The following ING3 variants were observed in gnomAD, a reference collection of about 807,000 sequenced individuals.
The protein encoded by ING3 is inhibitor of growth protein 3.
A neutral mutation model predicts 64.8 loss-of-function variants in ING3; 6 were observed. The ratio of observed to expected loss-of-function variants is 0.09; its 90% CI spans 0.05 to 0.18. The LOEUF (loss-of-function observed/expected upper bound fraction) is 0.18. Ranked by LOEUF, ING3 falls within the 10% of genes least tolerant of loss-of-function variation. The pLI, the probability that ING3 is intolerant of heterozygous loss-of-function variation, is 1.00. For missense variants in ING3, 310 were observed against 489.7 expected, an observed-to-expected ratio of 0.63 and a Z score of 3.46; for synonymous variants, 170 against 173.7, an observed-to-expected ratio of 0.98 and a Z score of 0.17.
At chr7:120,965,554 T>G (rs559560872) in intron 5 of ING3, among the ~76,000 whole-genome samples, 31 of 152,340 alleles carry the variant, frequency 2.0e-4, no homozygotes, top group African/African-American at 7.2e-4. Context: ...TGAACCAAAT[T>G]AATATTATGG....
At chr7:120,971,341 T>C (rs1201449861) in intron 10 of ING3, among the ~76,000 whole-genome samples, 1 of 152,004 alleles carries the variant, frequency 6.6e-6, no homozygotes, top group Non-Finnish European at 1.5e-5. Flanking sequence ...CTGGTGTCTT[T>C]TCTTATAAGG....
In ING3 at chr7:120,956,700, A is replaced by AT. The variant is rs548491330; in HGVS notation, c.267+1076_267+1077insT. ...TGTGGAATAAAAACCAAAAAAAAAA[A>AT]GGTCTTAATTGTTTCAGTCTTTAAT... is the stretch of plus-strand genomic sequence containing the variant. On this transcript the variant is annotated intron_variant, in intron 4 of 11. Coordinates refer to ENST00000315870, the MANE Select transcript of ING3 (RefSeq NM_019071.3). 1.0e-3 allele frequency: 994 copies of AT among 974,666 alleles called. 1 individual carries two copies. Among genetic ancestry groups the AT allele is most frequent in the Non-Finnish European group, 1.2e-3 (957 of 818,562 alleles). 60.4% of individuals were successfully genotyped at this position (974,666 alleles called of 1,614,324 possible).
chr7:120,950,916 A>C lies in ING3; in HGVS notation c.20A>C (p.Tyr7Ser), dbSNP rs775974967. Residue 7 changes from tyrosine to serine, a missense_variant, in exon 1 of 12, where the codon TAT becomes TCT. Tyr to Ser is a moderately radical substitution (Grantham distance 144). Transcript: ENST00000315870. MLYLEDYLEMIEQLPMD... is the reference protein window; with the variant it reads MLYLEDSLEMIEQLPMD... ...GCCGCGATGTTGTACCTAGAAGACT[A>C]TCTGGAAAGTGAGTGCGCGGCGCTG... The C allele has an allele frequency of 1.2e-6, 2 of 1,613,036 alleles. No individual in the cohort carries two copies. The highest frequency in any genetic ancestry group is 1.7e-6 in the Non-Finnish European group (2 of 1,179,596).
At chr7:120,971,519 A>G (rs1037860225) in intron 10 of ING3, among the ~76,000 whole-genome samples, 1 of 152,180 alleles carries the variant, frequency 6.6e-6, no homozygotes, top group Admixed American at 6.5e-5. Flanking sequence ...AGATTTGCAC[A>G]TGCATGTGTG....
rs532952289 is a variant in ING3 at position 120,965,039 on chromosome 7, C to A, written c.364+201C>A. Among the ~76,000 whole-genome samples the A allele has an allele frequency of 2.0e-5, 3 of 152,286 alleles. No individual in the cohort carries two copies. The South Asian group carries it at 6.2e-4, about 32-fold the overall frequency. On this transcript the variant is annotated intron_variant, in intron 5 of 11. Coordinates refer to ENST00000315870, the MANE Select transcript of ING3 (RefSeq NM_019071.3). Reference sequence around the variant, plus strand: ...TAATATAGGATATCATCCACTCACTCTTTATGAAACAACATATTAAATCAT... The same window carrying A: ...TAATATAGGATATCATCCACTCACTATTTATGAAACAACATATTAAATCAT...
At position 120,974,887 on chromosome 7, in the gene ING3, GAT is replaced by G; in HGVS notation, c.*44_*45del. 7.5e-7 allele frequency: 1 copy of G among 1,342,254 alleles called. No individual in the cohort carries two copies. The highest frequency in any genetic ancestry group is 1.1e-6 in the Non-Finnish European group (1 of 950,342). The allele number at this position is 1,342,254 out of a possible 1,614,324, so 83.1% of individuals were successfully genotyped here. Reference sequence around the variant, plus strand: ...GATGAAGAAATAAACTTCAGCTGAAGATTTTATATAGGACTTTAAAAAGAAGA... The same window carrying G: ...GATGAAGAAATAAACTTCAGCTGAAGTTTATATAGGACTTTAAAAAGAAGA... On this transcript the variant is annotated 3_prime_UTR_variant, in exon 12 of 12. Transcript: ENST00000315870.
chr7:120,959,266 A>G (rs1046958047), intron 4 of ING3, among the ~76,000 whole-genome samples: 1 of 152,246 alleles, frequency 6.6e-6, no homozygotes, highest in Admixed American at 6.5e-5. Flanking sequence ...AACAAATTCC[A>G]CAGCGTAAAG....
intron 10 of ING3, 104 bp downstream of exon 10, chr7:120,970,984 C>T: frequency 2.5e-6 from 3 of 1,190,426 alleles, no homozygotes; most frequent in African/African-American, 1.5e-5. Flanking sequence ...AATACCTTTG[C>T]TTTATTTGTA....
intron 4 of ING3, among the ~76,000 whole-genome samples, chr7:120,962,923 T>C (rs1342504431): frequency 1.3e-5 from 2 of 152,128 alleles, no homozygotes; most frequent in East Asian, 3.8e-4. Flanking sequence ...TCAGCTAAAT[T>C]CTAATTCCTA....
intron 4 of ING3, chr7:120,956,977 T>C (rs1041095264): frequency 2.5e-6 from 1 of 392,702 alleles, no homozygotes; most frequent in Non-Finnish European, 3.5e-6. Context: ...GCTTTTTAAA[T>C]ATGTGTGTGT....
At chr7:120,959,812 A>AT (rs1283718084) in intron 4 of ING3, among the ~76,000 whole-genome samples, 2 of 150,394 alleles carry the variant, frequency 1.3e-5, no homozygotes, top group African/African-American at 4.9e-5. Context: ...CGCCCGGCTA[A>AT]TTTTTTGTAT....
At chr7:120,955,869 ATGT>A (rs1001178513) in intron 4 of ING3, 3 of 569,268 alleles carry the variant, frequency 5.3e-6, no homozygotes, top group Non-Finnish European at 9.3e-6. Flanking sequence ...GTGGTTTCTG[ATGT>A]TAGATATTTT....
At position 120,966,590 on chromosome 7, in the gene ING3, T is replaced by C. The variant is rs1266319913; in HGVS notation, c.365-36T>C. 1.8e-5 allele frequency: 27 copies of C among 1,495,928 alleles called. 1 individual carries two copies. The highest frequency in any genetic ancestry group is 1.7e-4 in the Middle Eastern group (1 of 5,880). 92.7% of individuals were successfully genotyped at this position (1,495,928 alleles called of 1,614,324 possible). ...ACATGTGAAGTTCTGCGGTGACATT[T>C]AATGGTGGTGTATCTCTGTGCCTCT... On this transcript the variant is annotated intron_variant, in intron 5 of 11. Transcript: ENST00000315870.
rs983789730 is a variant in ING3, at chr7:120,964,917, C to G, written c.364+79C>G. 3.5e-6 allele frequency: 4 copies of G among 1,143,866 alleles called. No individual in the cohort carries two copies. In the African/African-American group the frequency reaches 4.6e-5, roughly 13 times the overall value. The allele number at this position is 1,143,866 out of a possible 1,614,324, so 70.9% of individuals were successfully genotyped here. A position where few individuals can be genotyped will look rare whatever the true frequency, so the allele number is the denominator to read the frequency against. ...CTGAGAAGACCTTGTCCCACAGAGG[C>G]TTTTGAAATCCTGCCCTTCAATGGA... is the stretch of plus-strand genomic sequence containing the variant. On this transcript the variant is annotated intron_variant, in intron 5 of 11. Coordinates refer to ENST00000315870, the MANE Select transcript of ING3 (RefSeq NM_019071.3).
chr7:120,952,343 A>C (rs1228283352), intron 2 of ING3, among the ~76,000 whole-genome samples: 2 of 152,228 alleles, frequency 1.3e-5, no homozygotes, highest in Non-Finnish European at 2.9e-5. Flanking sequence ...TAAAAAGAGA[A>C]TCATCCAAGG....
At chr7:120,952,245 A>G (rs1795777365) in intron 2 of ING3, among the ~76,000 whole-genome samples, 1 of 152,230 alleles carries the variant, frequency 6.6e-6, no homozygotes, top group South Asian at 2.1e-4. Flanking sequence ...ACAGACATTG[A>G]TGTCAGATCT....
Position 120,975,718 on chromosome 7 carries a change from C to G in ING3, c.*874C>G, listed in dbSNP as rs1796127000. The G allele has an allele frequency of 6.6e-6, 1 of 152,038 alleles. No homozygotes were observed. The highest frequency in any genetic ancestry group is 6.6e-5 in the Admixed American group (1 of 15,248). 9.4% of individuals were successfully genotyped at this position (152,038 alleles called of 1,614,324 possible). ...TTTCTGAATTCCAATTAACTTTCAACTTTCATAATCTAAAAAGAATCAGAG... is the reference window on the plus strand; with the variant it reads ...TTTCTGAATTCCAATTAACTTTCAAGTTTCATAATCTAAAAAGAATCAGAG... On this transcript the variant is annotated 3_prime_UTR_variant, in exon 12 of 12. Transcript: ENST00000315870.
At chr7:120,953,854 A>C (rs1468995094) in intron 3 of ING3, among the ~76,000 whole-genome samples, 2 of 152,156 alleles carry the variant, frequency 1.3e-5, no homozygotes, top group African/African-American at 2.4e-5. Flanking sequence ...TAAACTCTAA[A>C]TTTGCACACG....
chr7:120,953,998 A>G (rs1018492390), intron 3 of ING3, among the ~76,000 whole-genome samples: 8 of 152,172 alleles, frequency 5.3e-5, no homozygotes, highest in Admixed American at 4.6e-4. Context: ...TCATTTAGGG[A>G]TGGATACATT....
Sources: allele counts gnomAD v4.1 joint callset (sites outside exome capture counted in the v4.1 genomes callset), GRCh38; gene constraint gnomAD v4.1.1; transcripts MANE v1.5; gene names NCBI Gene and HGNC (gene_info 2026-07-23, HGNC 2026-07-21).